Variants in GLIS3 observed in about 807,000 individuals in gnomAD.
GLIS3 encodes the protein zinc finger protein GLIS3.
A neutral mutation model predicts 78.6 loss-of-function variants in GLIS3; 53 were observed. The observed-to-expected ratio is 0.67, with a 90% confidence interval of 0.54 to 0.85. GLIS3 has a LOEUF of 0.85. Among genes scored for constraint, GLIS3 ranks in the 40% least tolerant of loss-of-function variants. GLIS3 has a pLI of 0.00. For synonymous variants in GLIS3, 684 were observed against 509.9 expected (o/e 1.34, Z -4.60); for missense variants, 1,703 against 1,231.1 (o/e 1.38, Z -5.74).
At chr9:4,442,945 A>G in the GLIS3 span, among the ~76,000 whole-genome samples, 1 of 152,156 alleles carries the variant, frequency 6.6e-6, no homozygotes, top group African/African-American at 2.4e-5. Context: ...TTGAGGTGTT[A>G]CAAATCAAGG....
intron 2 of GLIS3, among the ~76,000 whole-genome samples, chr9:4,216,211 A>G (rs553283570): frequency 4.6e-5 from 7 of 152,100 alleles, no homozygotes; most frequent in Non-Finnish European, 1.0e-4. Flanking sequence ...GGTGGCTCAC[A>G]CCTGTAATCC....
At chr9:4,132,118 A>T (rs1833025134) in intron 2 of GLIS3, among the ~76,000 whole-genome samples, 2 of 151,896 alleles carry the variant, frequency 1.3e-5, no homozygotes, top group Admixed American at 1.3e-4. Flanking sequence ...CAAACCATAC[A>T]ACTTTTCTGA....
At chr9:4,427,044 A>T in the GLIS3 span, among the ~76,000 whole-genome samples, 51 of 152,352 alleles carry the variant, frequency 3.3e-4, no homozygotes, top group East Asian at 6.5e-3. Flanking sequence ...AATTTTGCAC[A>T]TAGTAAATAA....
chr9:4,286,446 G>A lies in GLIS3; in HGVS notation c.-21C>T. On this transcript the variant is annotated 5_prime_UTR_variant, in exon 2 of 11. Coordinates refer to ENST00000381971, the MANE Select transcript of GLIS3 (RefSeq NM_001042413.2). ...TTCATTCTGAAAAACCTGTGGCCAA[G>A]ACGGTCAAATATCCAATGTCACTAA... The A allele has an allele frequency of 1.2e-6, 2 of 1,613,194 alleles. No individual in the cohort carries two copies. The highest frequency in any genetic ancestry group is 1.7e-6 in the Non-Finnish European group (2 of 1,180,010).
At chr9:4,383,229 T>A in the GLIS3 span, among the ~76,000 whole-genome samples, 109 of 152,340 alleles carry the variant, frequency 7.2e-4, no homozygotes, top group Non-Finnish European at 1.3e-3. Context: ...GTAGAACAAG[T>A]TTCAGAAAAA....
intron 2 of GLIS3, among the ~76,000 whole-genome samples, chr9:4,180,792 G>A (rs1359591225): frequency 6.6e-6 from 1 of 152,142 alleles, no homozygotes; most frequent in Non-Finnish European, 1.5e-5. Flanking sequence ...CCCAAACTGA[G>A]GAGCGGCGGT....
intron 4 of GLIS3, among the ~76,000 whole-genome samples, chr9:4,090,466 A>AC (rs1220853198): frequency 3.6e-4 from 54 of 151,728 alleles, no homozygotes; most frequent in East Asian, 3.1e-3. Context: ...AAAAAAAAAA[A>AC]AAATTAATGA....
the GLIS3 span, among the ~76,000 whole-genome samples, chr9:4,401,117 C>T: frequency 1.3e-5 from 2 of 152,174 alleles, no homozygotes; most frequent in African/African-American, 4.8e-5. Flanking sequence ...ACTTGGGGTC[C>T]CTAAGTCCAG....
chr9:3,905,437 G>A (rs1311652598), intron 6 of GLIS3, among the ~76,000 whole-genome samples: 2 of 152,064 alleles, frequency 1.3e-5, no homozygotes, highest in Middle Eastern at 3.2e-3. Flanking sequence ...TAGGGAAAGC[G>A]GTCTTTGTTG....
At chr9:4,473,366 A>G in the GLIS3 span, among the ~76,000 whole-genome samples, 3 of 151,220 alleles carry the variant, frequency 2.0e-5, no homozygotes, top group African/African-American at 7.3e-5. Context: ...GAATCGTTTG[A>G]ACCTGGGAGG....
intron 4 of GLIS3, among the ~76,000 whole-genome samples, chr9:4,084,112 T>C (rs971510333): frequency 6.6e-6 from 1 of 152,164 alleles, no homozygotes; most frequent in Non-Finnish European, 1.5e-5. Flanking sequence ...AAAAAGCCCA[T>C]TCTGTGTTTC....
chr9:3,875,315 C>T, intron 8 of GLIS3, among the ~76,000 whole-genome samples: 1 of 152,066 alleles, frequency 6.6e-6, no homozygotes. Flanking sequence ...AAAATGGAAC[C>T]TTGTTAGATT....
chr9:4,143,674 T>A (rs2755084), intron 2 of GLIS3, among the ~76,000 whole-genome samples: 2 of 152,130 alleles, frequency 1.3e-5, no homozygotes, highest in East Asian at 3.9e-4. Flanking sequence ...TCTCCAGAAC[T>A]TATTCGTCTT....
rs141372836 is a variant in GLIS3, at chr9:4,253,150, G to C, written c.388+32888C>G. On this transcript the variant is annotated intron_variant, in intron 2 of 10. Coordinates refer to ENST00000381971, the MANE Select transcript of GLIS3 (RefSeq NM_001042413.2). ...GCAGAGCTCAAGCGCTGTGCTGGGA[G>C]ATCCGCTGCTCTCTTCAGAGCCGGC... 3.7e-3 allele frequency among the ~76,000 whole-genome samples: 562 copies of C among 152,390 alleles called. 4 individuals are homozygous for C. Among genetic ancestry groups the C allele is most frequent in the African/African-American group, 0.013 (528 of 41,592 alleles).
chr9:4,196,867 C>G (rs1178067148), intron 2 of GLIS3, among the ~76,000 whole-genome samples: 4 of 152,226 alleles, frequency 2.6e-5, no homozygotes, highest in African/African-American at 9.6e-5. Flanking sequence ...TGGAACCAAT[C>G]TGCATGTGTC....
chr9:4,015,556 T>C (rs554790801), intron 4 of GLIS3, among the ~76,000 whole-genome samples: 2 of 152,304 alleles, frequency 1.3e-5, no homozygotes, highest in African/African-American at 2.4e-5. Context: ...TATGAAGTTA[T>C]ATCTATCTTG....
intron 4 of GLIS3, among the ~76,000 whole-genome samples, chr9:3,992,700 C>CA (rs1563928162): frequency 6.6e-6 from 1 of 152,098 alleles, no homozygotes. Flanking sequence ...AGAGTAAAAA[C>CA]AAAAAATTAA....
rs190210411 is a variant in GLIS3 at position 4,240,867 on chromosome 9, A to C, written c.388+45171T>G. 3.9e-3 allele frequency among the ~76,000 whole-genome samples: 590 copies of C among 152,298 alleles called. 4 individuals are homozygous for C. The highest frequency in any genetic ancestry group is 0.014 in the African/African-American group (573 of 41,560). On this transcript the variant is annotated intron_variant, in intron 2 of 10. Transcript: ENST00000381971. ...CCCTGAAATTAAAATAAAAGTTAAAAAGTGAAATAAAACTCCATATAAATA... is the reference window on the plus strand; with the variant it reads ...CCCTGAAATTAAAATAAAAGTTAAACAGTGAAATAAAACTCCATATAAATA...
rs541964131 is a variant in GLIS3, at chr9:4,157,674, C to G, written c.389-31733G>C. The stretch of plus-strand genomic sequence containing the variant: ...TATTCAATCCACATTTGCAGGAAAT[C>G]TAAATGGTTATTTCCTCCTTTAGTG... On this transcript the variant is annotated intron_variant, in intron 2 of 10. Coordinates refer to ENST00000381971, the MANE Select transcript of GLIS3 (RefSeq NM_001042413.2). Among the ~76,000 whole-genome samples the G allele has an allele frequency of 3.3e-5, 5 of 152,282 alleles. No homozygotes were observed. In the East Asian group the frequency reaches 9.6e-4, roughly 29 times the overall value.
Sources: allele counts gnomAD v4.1 joint callset (sites outside exome capture counted in the v4.1 genomes callset), GRCh38; gene constraint gnomAD v4.1.1; transcripts MANE v1.5; gene names NCBI Gene and HGNC (gene_info 2026-07-23, HGNC 2026-07-21).